Variants in LPAR3 observed in about 807,000 individuals in gnomAD.
LPAR3 encodes LPA receptor 3.
In LPAR3, 7 loss-of-function variants were observed where a neutral mutation model predicts 17.8. The observed-to-expected ratio is 0.39, with a 90% CI of 0.22 to 0.74. The LOEUF (loss-of-function observed/expected upper bound fraction) is 0.74. Ranked by LOEUF, LPAR3 falls within the 30% of genes least tolerant of loss-of-function variation. The pLI is 0.40. For synonymous variants in LPAR3, 179 were observed against 179.9 expected (o/e 0.99, Z 0.04); for missense variants, 391 against 453.4 (o/e 0.86, Z 1.25).
intron 2 of LPAR3, among the ~76,000 whole-genome samples, chr1:84,864,038 C>A (rs914065984): frequency 6.6e-6 from 1 of 151,940 alleles, no homozygotes. Flanking sequence ...ATGGTGAAAC[C>A]CTGTCTCTAA....
At chr1:84,834,546 T>C (rs942458242) in intron 2 of LPAR3, among the ~76,000 whole-genome samples, 5 of 151,902 alleles carry the variant, frequency 3.3e-5, no homozygotes, top group African/African-American at 1.2e-4. Context: ...GCAATTCTAG[T>C]TAGTCCAGCC....
intron 1 of LPAR3, among the ~76,000 whole-genome samples, chr1:84,892,346 C>G (rs982197528): frequency 2.6e-5 from 4 of 152,186 alleles, no homozygotes; most frequent in African/African-American, 7.2e-5. Context: ...AGTCACTCCT[C>G]AAATTACATG....
chr1:84,855,834 G>GT (rs1352691055), intron 2 of LPAR3, among the ~76,000 whole-genome samples: 4 of 152,162 alleles, frequency 2.6e-5, no homozygotes, highest in Non-Finnish European at 5.9e-5. Context: ...CAGACTTGAG[G>GT]TAACAAATGG....
intron 2 of LPAR3, among the ~76,000 whole-genome samples, chr1:84,840,117 G>A (rs751211942): frequency 1.2e-4 from 19 of 152,108 alleles, no homozygotes; most frequent in Non-Finnish European, 2.4e-4. Flanking sequence ...AGAGATGGGG[G>A]TCTCACTATG....
At chr1:84,852,484 T>G (rs1258136067) in intron 2 of LPAR3, among the ~76,000 whole-genome samples, 8 of 152,138 alleles carry the variant, frequency 5.3e-5, no homozygotes. Flanking sequence ...TGAAACCCAT[T>G]GCAGAGATCC....
chr1:84,847,832 G>A (rs1046525000), intron 2 of LPAR3, among the ~76,000 whole-genome samples: 1 of 152,216 alleles, frequency 6.6e-6, no homozygotes. Flanking sequence ...TTTCCCTGAC[G>A]CTGACTTCTA....
chr1:84,863,908 C>G (rs769332901), intron 2 of LPAR3, among the ~76,000 whole-genome samples: 2 of 152,122 alleles, frequency 1.3e-5, no homozygotes, highest in African/African-American at 2.4e-5. Context: ...TCAGTAAATC[C>G]TTTAAAAAAT....
At chr1:84,871,794 C>T (rs1216028342) in intron 1 of LPAR3, among the ~76,000 whole-genome samples, 1 of 152,204 alleles carries the variant, frequency 6.6e-6, no homozygotes, top group East Asian at 1.9e-4. Context: ...TTGCCATTCC[C>T]TCTGCCCAGA....
At chr1:84,816,388 T>A (rs1557587695) in intron 2 of LPAR3, among the ~76,000 whole-genome samples, 1 of 152,220 alleles carries the variant, frequency 6.6e-6, no homozygotes, top group Non-Finnish European at 1.5e-5. Context: ...CTTAGCCTGA[T>A]CTTTCATTCA....
chr1:84,821,052 C>T (rs1659042627), intron 2 of LPAR3, among the ~76,000 whole-genome samples: 1 of 147,738 alleles, frequency 6.8e-6, no homozygotes, highest in Non-Finnish European at 1.5e-5. Flanking sequence ...GGCTGTGATA[C>T]AAAATGTACA....
intron 1 of LPAR3, among the ~76,000 whole-genome samples, chr1:84,873,831 C>A (rs1660204537): frequency 6.6e-6 from 1 of 151,824 alleles, no homozygotes; most frequent in African/African-American, 2.4e-5. Flanking sequence ...CTGCTCACTG[C>A]AGCCTCCGCC....
chr1:84,866,186 C>A, intron 1 of LPAR3, 48 bp from the exon 2 acceptor site: 3 of 1,408,874 alleles, frequency 2.1e-6, no homozygotes, highest in South Asian at 2.8e-5. Flanking sequence ...TAAAATCAGT[C>A]ACTAAGCCAT....
At chr1:84,891,170 AAG>A (rs1491456207) in intron 1 of LPAR3, among the ~76,000 whole-genome samples, 1 of 152,176 alleles carries the variant, frequency 6.6e-6, no homozygotes, top group East Asian at 1.9e-4. Flanking sequence ...TAAAAAAAAA[AAG>A]AGTGGTAGTT....
chr1:84,853,114 A>G (rs1374664489), intron 2 of LPAR3, among the ~76,000 whole-genome samples: 1 of 151,864 alleles, frequency 6.6e-6, no homozygotes, highest in Non-Finnish European at 1.5e-5. Flanking sequence ...AAAGAAAAAA[A>G]AAAAAAAACC....
At chr1:84,831,581 T>G (rs976645502) in intron 2 of LPAR3, among the ~76,000 whole-genome samples, 1 of 152,024 alleles carries the variant, frequency 6.6e-6, no homozygotes, top group Non-Finnish European at 1.5e-5. Context: ...TATTGTTGTT[T>G]ACACATTTTG....
chr1:84,892,012 G>T (rs1024144647), intron 1 of LPAR3, among the ~76,000 whole-genome samples: 6 of 152,022 alleles, frequency 3.9e-5, no homozygotes, highest in Non-Finnish European at 7.4e-5. Context: ...AAGCGTTCGA[G>T]ATCAGCCTGG....
intron 2 of LPAR3, among the ~76,000 whole-genome samples, chr1:84,849,920 G>A (rs1026878413): frequency 5.3e-5 from 8 of 152,184 alleles, no homozygotes; most frequent in African/African-American, 1.9e-4. Flanking sequence ...GGCTAGCTAA[G>A]GCCAAGCATT....
At chr1:84,820,338 A>G (rs927200549) in intron 2 of LPAR3, among the ~76,000 whole-genome samples, 3 of 152,182 alleles carry the variant, frequency 2.0e-5, no homozygotes, top group Admixed American at 2.0e-4. Flanking sequence ...GTAGCACAGG[A>G]GATGAGCCAG....
At chr1:84,846,021 A>G (rs1659589592) in intron 2 of LPAR3, among the ~76,000 whole-genome samples, 2 of 152,318 alleles carry the variant, frequency 1.3e-5, no homozygotes, top group African/African-American at 4.8e-5. Flanking sequence ...ATTTCTAAAT[A>G]AGGTGGGTAG....
Sources: gnomAD v4.1 joint callset for allele counts (sites outside exome capture counted in the v4.1 genomes callset) on GRCh38, gnomAD v4.1.1 for gene constraint, MANE v1.5 for transcripts, NCBI Gene and HGNC (gene_info 2026-07-23, HGNC 2026-07-21) for gene names.